The following TRMT44 variants were observed in gnomAD, a reference collection of about 807,000 sequenced individuals.
TRMT44 encodes probable tRNA (uracil-O(2)-)-methyltransferase.
Under a neutral mutation model 77.3 loss-of-function variants are expected in TRMT44, and 78 were observed. The ratio of observed to expected loss-of-function variants is 1.01; its 90% CI spans 0.84 to 1.22. The LOEUF (loss-of-function observed/expected upper bound fraction) is 1.22. TRMT44 is among the 50% of genes most tolerant of loss of function. TRMT44 has a pLI of 0.00. For synonymous variants in TRMT44, 391 were observed against 383.3 expected, an observed-to-expected ratio of 1.02 and a Z score of -0.23; for missense variants, 1,090 against 964.4, an observed-to-expected ratio of 1.13 and a Z score of -1.73.
In TRMT44 at chr4:8,440,948, C is replaced by T. The variant is rs1018518544; in HGVS notation, c.126C>T (p.Arg42=). 3.3e-5 allele frequency: 51 copies of T among 1,529,296 alleles called. No homozygotes were observed. Among genetic ancestry groups the T allele is most frequent in the Non-Finnish European group, 4.2e-5 (48 of 1,145,120 alleles). 94.7% of individuals were successfully genotyped at this position (1,529,296 alleles called of 1,614,324 possible). A position where few individuals can be genotyped will look rare whatever the true frequency, so the allele number is the denominator to read the frequency against. Residue 42 remains arginine (R), a synonymous_variant, in exon 1 of 11, where the codon CGC becomes CGT. Transcript: ENST00000389737. The part of the protein sequence containing the change: ...QVANKRLCGA[R]LEARWSAALP... ...CAAACAAACGGCTTTGCGGCGCCCGCCTGGAGGCCCGCTGGAGCGCCGCCC... is the reference window on the plus strand; with the variant it reads ...CAAACAAACGGCTTTGCGGCGCCCGTCTGGAGGCCCGCTGGAGCGCCGCCC...
At chr4:8,465,599 G>C (rs768151546) in intron 8 of TRMT44, 38 bp downstream of exon 8, 6 of 1,567,114 alleles carry the variant, frequency 3.8e-6, no homozygotes, top group African/African-American at 1.4e-5. Flanking sequence ...GCGGTGTGTC[G>C]GTGTTCAGAT....
Position 8,452,986 on chromosome 4 carries a change from G to A in TRMT44, c.1128G>A (p.Glu376=). Residue 376 remains glutamate (E), a synonymous_variant, in exon 5 of 11, where the codon GAG becomes GAA. Transcript: ENST00000389737. This position sits in a 1 kb window ranked among gnomAD's most constrained non-coding sequence, Gnocchi z 5.7. The stretch of plus-strand genomic sequence containing the variant: ...TCCTGGTCCACATCCTGAGCAGTGA[G>A]GGGGTAAGGCCCGGCTCCATCACCT... ...NGLLVHILSS[E]GHPGRGIDVR... The A allele has an allele frequency of 6.6e-7, 1 of 1,516,186 alleles. No homozygotes were observed. Among genetic ancestry groups the A allele is most frequent in the Non-Finnish European group, 8.8e-7 (1 of 1,136,616 alleles). 93.9% of individuals were successfully genotyped at this position (1,516,186 alleles called of 1,614,324 possible).
intron 2 of TRMT44, among the ~76,000 whole-genome samples, chr4:8,484,581 G>A (rs1727745190): frequency 6.6e-6 from 1 of 152,180 alleles, no homozygotes; most frequent in South Asian, 2.1e-4. Flanking sequence ...CCTTGTGTAA[G>A]AATTCCTACT....
rs1726142176 is a variant in TRMT44 at position 8,461,327 on chromosome 4, C to G, written c.1204-2658C>G. On this transcript the variant is annotated intron_variant, in intron 6 of 10. Coordinates refer to ENST00000389737, the MANE Select transcript of TRMT44 (RefSeq NM_152544.3). This position sits in a 1 kb window ranked among gnomAD's most constrained non-coding sequence, Gnocchi z 4.6. ...CAAATATGTGTGTAGACTATAGACT[C>G]TCACACATGTCCCAGAATCGGGCTC... Among the ~76,000 whole-genome samples, 2 of 152,178 alleles carry G rather than the reference C, an allele frequency of 1.3e-5. No individual in the cohort carries two copies. Among genetic ancestry groups the G allele is most frequent in the Non-Finnish European group, 2.9e-5 (2 of 68,038 alleles).
chr4:8,472,731 G>A (rs750185764), intron 10 of TRMT44, among the ~76,000 whole-genome samples: 4 of 152,216 alleles, frequency 2.6e-5, no homozygotes, highest in Non-Finnish European at 4.4e-5. Context: ...GCAGAAGCGT[G>A]TCCCTGAGGC....
chr4:8,509,634 A>T, the TRMT44 span: 1 of 152,854 alleles, frequency 6.5e-6, no homozygotes, highest in Admixed American at 6.5e-5. Context: ...AGATGAGGAA[A>T]CTGAGGCTTG....
At chr4:8,448,498 G>A (rs1725206464) in intron 2 of TRMT44, among the ~76,000 whole-genome samples, 1 of 152,220 alleles carries the variant, frequency 6.6e-6, no homozygotes, top group Non-Finnish European at 1.5e-5. Flanking sequence ...GGAGGAGGCC[G>A]TATGGACCTC....
At position 8,441,161 on chromosome 4, in the gene TRMT44, G is replaced by A. The variant is rs1724652954; in HGVS notation, c.339G>A (p.Gln113=). The A allele has an allele frequency of 6.5e-7, 1 of 1,528,638 alleles. No individual in the cohort carries two copies. Among genetic ancestry groups the A allele is most frequent in the Admixed American group, 2.0e-5 (1 of 50,632 alleles). The allele number at this position is 1,528,638 out of a possible 1,614,324, so 94.7% of individuals were successfully genotyped here. ...GCCAGTGCCAGCAAGAGGAGGCACA[G>A]AGGGAAGCCGCCTCAGTGCCCCTGA... The part of the protein sequence containing the change: ...AQGQCQQEEA[Q]REAASVPLRD... The change falls in exon 1 of 11, where the codon CAG becomes CAA. Residue 113 remains glutamine, a synonymous_variant. Transcript: ENST00000389737.
intron 2 of TRMT44, among the ~76,000 whole-genome samples, chr4:8,482,842 A>T (rs954398600): frequency 6.8e-6 from 1 of 147,030 alleles, no homozygotes; most frequent in African/African-American, 2.5e-5. Flanking sequence ...GAGGCCTGAC[A>T]TTCCTGCCTT....
At chr4:8,493,071 A>C (rs1728057018) in intron 2 of TRMT44, among the ~76,000 whole-genome samples, 1 of 152,202 alleles carries the variant, frequency 6.6e-6, no homozygotes, top group African/African-American at 2.4e-5. Context: ...ACTTTGAAAC[A>C]AAGACAATAA....
At chr4:8,475,016 T>C (rs760359965) in intron 10 of TRMT44, among the ~76,000 whole-genome samples, 80 of 152,308 alleles carry the variant, frequency 5.3e-4, no homozygotes, top group Middle Eastern at 6.8e-3. Flanking sequence ...GTATCTAAAC[T>C]ACTGCACATA....
intron 2 of TRMT44, among the ~76,000 whole-genome samples, chr4:8,484,331 A>G (rs193185501): frequency 7.9e-5 from 12 of 152,312 alleles, no homozygotes; most frequent in Non-Finnish European, 1.3e-4. Flanking sequence ...GGGAGACTCA[A>G]CAAAGAGTGA....
rs1443731728 is a variant in TRMT44 at position 8,476,262 on chromosome 4, A to T, written c.*261A>T. 1 of 539,064 alleles carries T rather than the reference A, an allele frequency of 1.9e-6. No individual in the cohort carries two copies. Among genetic ancestry groups the T allele is most frequent in the Non-Finnish European group, 3.3e-6 (1 of 299,510 alleles). 33.4% of individuals were successfully genotyped at this position (539,064 alleles called of 1,614,324 possible). ...AACGTGCGCAGCATCTTCATATCAT[A>T]AAGATTGTGCACGGATCCTTACAAT... On this transcript the variant is annotated 3_prime_UTR_variant, in exon 11 of 11. Transcript: ENST00000389737.
chr4:8,488,113 C>G (rs371679658), intron 2 of TRMT44, among the ~76,000 whole-genome samples: 1 of 152,172 alleles, frequency 6.6e-6, no homozygotes, highest in Non-Finnish European at 1.5e-5. Flanking sequence ...AGGCCACTTA[C>G]TGGATTTGAA....
chr4:8,457,949 A>C (rs1382143645), intron 6 of TRMT44, among the ~76,000 whole-genome samples: 1 of 152,218 alleles, frequency 6.6e-6, no homozygotes, highest in Admixed American at 6.5e-5. Context: ...GAAATTCAAG[A>C]GCTAATAGAC....
At chr4:8,513,886 G>A in the TRMT44 span, among the ~76,000 whole-genome samples, 3 of 152,324 alleles carry the variant, frequency 2.0e-5, no homozygotes, top group South Asian at 4.1e-4. Context: ...ATACCTGCAA[G>A]TGCTGTGTGG....
rs1415830644 is a variant in TRMT44, at chr4:8,440,991, C to T, written c.169C>T (p.Arg57Cys). The T allele has an allele frequency of 5.3e-6, 8 of 1,521,708 alleles. No homozygotes were observed. The highest frequency in any genetic ancestry group is 8.8e-7 in the Non-Finnish European group (1 of 1,141,620). The allele number at this position is 1,521,708 out of a possible 1,614,324, so 94.3% of individuals were successfully genotyped here. ...WSAALPCAEARGPGTSAGSEQ... is the reference protein window; with the variant it reads ...WSAALPCAEACGPGTSAGSEQ... ...CGCCGCCCTGCCCTGCGCGGAGGCC[C>T]GCGGCCCCGGGACTAGCGCAGGCTC... Residue 57 changes from arginine (R) to cysteine (C), a missense_variant, in exon 1 of 11, where the codon CGC (arginine) becomes TGC (cysteine). Transcript: ENST00000389737.
intron 9 of TRMT44, 50 bp downstream of exon 9, chr4:8,468,396 G>C (rs962888768): frequency 2.7e-5 from 42 of 1,578,390 alleles, no homozygotes; most frequent in Non-Finnish European, 3.3e-5. Context: ...CCAGGCTTGA[G>C]GGCAGGAATT....
chr4:8,453,017 G>GGACAA, intron 5 of TRMT44, 28 bp downstream of exon 5: 1 of 1,385,150 alleles, frequency 7.2e-7, no homozygotes, highest in Non-Finnish European at 9.6e-7. Flanking sequence ...CACCTTTTCT[G>GGACAA]GTAACTTGTC....
Sources: allele counts gnomAD v4.1 joint callset (sites outside exome capture counted in the v4.1 genomes callset), GRCh38; gene constraint gnomAD v4.1.1; non-coding constraint Gnocchi (gnomAD v3.1); transcripts MANE v1.5; gene names NCBI Gene and HGNC (gene_info 2026-07-23, HGNC 2026-07-21).